LRP6: variants seen among roughly 807,000 people sequenced by gnomAD.
LRP6 encodes the protein LDL receptor related protein 6.
Under a neutral mutation model 184.1 loss-of-function variants are expected in LRP6, and 43 were observed. The observed-to-expected ratio is 0.23, with a 90% confidence interval of 0.18 to 0.30. The LOEUF is 0.30. LRP6 is among the 10% of genes least tolerant of loss of function. The probability of loss-of-function intolerance (pLI) is 1.00; values close to 1 mark genes in which losing one functional copy is unlikely to be tolerated. For synonymous variants in LRP6, 719 were observed against 684.9 expected, an observed-to-expected ratio of 1.05 and a Z score of -0.78; for missense variants, 1,571 against 2,005.3, an observed-to-expected ratio of 0.78 and a Z score of 4.14.
chr12:12,228,056 T>C (rs1350189360), intron 2 of LRP6, among the ~76,000 whole-genome samples: 1 of 152,096 alleles, frequency 6.6e-6, no homozygotes, highest in Non-Finnish European at 1.5e-5. Flanking sequence ...AGCTAAATTA[T>C]GTATCCAAGG....
intron 2 of LRP6, among the ~76,000 whole-genome samples, chr12:12,213,969 A>G (rs1277468935): frequency 1.3e-5 from 2 of 152,124 alleles, no homozygotes; most frequent in African/African-American, 4.8e-5. Flanking sequence ...TATAAAAGAA[A>G]AGTGTCTTTC....
intron 2 of LRP6, among the ~76,000 whole-genome samples, chr12:12,234,979 G>A (rs931184709): frequency 2.6e-5 from 4 of 152,154 alleles, no homozygotes; most frequent in Non-Finnish European, 2.9e-5. Context: ...ATAGAGAAGG[G>A]TGGGGAAAGA....
At chr12:12,159,557 T>C (rs570694287) in intron 11 of LRP6, among the ~76,000 whole-genome samples, 10 of 152,282 alleles carry the variant, frequency 6.6e-5, no homozygotes, top group African/African-American at 2.4e-4. Flanking sequence ...GAGTTATAAA[T>C]TTCATTACAA....
intron 2 of LRP6, among the ~76,000 whole-genome samples, chr12:12,215,499 C>T (rs1004550184): frequency 3.3e-5 from 5 of 151,724 alleles, no homozygotes; most frequent in African/African-American, 1.2e-4. Flanking sequence ...GATCTCGGCT[C>T]ACTGCAACCT....
chr12:12,155,280 A>G, intron 12 of LRP6: 1 of 749,244 alleles, frequency 1.3e-6, no homozygotes, highest in Non-Finnish European at 2.5e-6. Context: ...CACAAAGGGA[A>G]AGAGGAGAGG....
intron 3 of LRP6, among the ~76,000 whole-genome samples, chr12:12,191,330 G>C (rs563640952): frequency 1.3e-5 from 2 of 152,232 alleles, no homozygotes; most frequent in South Asian, 4.1e-4. Context: ...GAGAACAATG[G>C]GAAAATAAGG....
intron 9 of LRP6, among the ~76,000 whole-genome samples, chr12:12,163,665 T>C (rs1239093029): frequency 6.6e-6 from 1 of 152,248 alleles, no homozygotes; most frequent in Non-Finnish European, 1.5e-5. Context: ...ACAGCCATTT[T>C]ACGTGAAGCA....
At position 12,164,510 on chromosome 12, in the gene LRP6, A is replaced by G. The variant is rs749228736; in HGVS notation, c.1815T>C (p.Tyr605=). ...ENGGCSHLCL[Y]RPQGLRCACP... ...AAGCACAGCGAAGGCCCTGAGGTCTATAGAGGCAGAGATGGCTACATCCCC... is the reference window on the plus strand; with the variant it reads ...AAGCACAGCGAAGGCCCTGAGGTCTGTAGAGGCAGAGATGGCTACATCCCC... The change falls in exon 9 of 23, where the codon TAT becomes TAC. Residue 605 remains tyrosine, a synonymous_variant. Transcript: ENST00000261349. 4 of 1,614,176 alleles carry G rather than the reference A, an allele frequency of 2.5e-6. No homozygotes were observed. The highest frequency in any genetic ancestry group is 2.2e-5 in the East Asian group (1 of 44,878).
chr12:12,248,567 C>T (rs374413335), intron 1 of LRP6, among the ~76,000 whole-genome samples: 3 of 147,958 alleles, frequency 2.0e-5, no homozygotes, highest in Non-Finnish European at 3.0e-5. Flanking sequence ...CTGCAAGGTC[C>T]GCCTCCCGGG....
In LRP6 at chr12:12,190,325, A is replaced by T. The variant is rs1863579472; in HGVS notation, c.648-3206T>A. The stretch of plus-strand genomic sequence containing the variant: ...GCTAAGAACCAAGCTGGCAGGTAAG[A>T]TCCAAGCCCAGTTCCTCAATAGTAG... On this transcript the variant is annotated intron_variant, in intron 3 of 22. Transcript: ENST00000261349. 2.0e-5 allele frequency among the ~76,000 whole-genome samples: 3 copies of T among 152,324 alleles called. No individual in the cohort carries two copies. In the South Asian group the frequency reaches 6.2e-4, roughly 32 times the overall value.
At chr12:12,168,781 C>A (rs1027203831) in intron 7 of LRP6, among the ~76,000 whole-genome samples, 1 of 151,996 alleles carries the variant, frequency 6.6e-6, no homozygotes, top group African/African-American at 2.4e-5. Flanking sequence ...TCCAAAATCC[C>A]TTATCTAAAG....
chr12:12,234,900 C>A (rs1446984502), intron 2 of LRP6, among the ~76,000 whole-genome samples: 3 of 151,214 alleles, frequency 2.0e-5, no homozygotes, highest in African/African-American at 7.3e-5. Context: ...AATATACACA[C>A]GTATCAACTC....
Position 12,132,054 on chromosome 12 carries a change from G to A in LRP6, c.3737C>T (p.Pro1246Leu). 1 of 1,607,828 alleles carries A rather than the reference G, an allele frequency of 6.2e-7. No homozygotes were observed. Among genetic ancestry groups the A allele is most frequent in the Non-Finnish European group, 8.5e-7 (1 of 1,174,296 alleles). Residue 1246 changes from proline (P) to leucine (L), a missense_variant, in exon 18 of 23, where the codon CCT (proline) becomes CTT (leucine). Physicochemically the swap from Pro to Leu is moderately conservative, Grantham distance 98 (BLOSUM62 -3). Around this residue, in one of 4 missense-constraint regions of LRP6, gnomAD observed 763 missense variants for 859.5 expected, o/e 0.89. Coordinates refer to ENST00000261349, the MANE Select transcript of LRP6 (RefSeq NM_002336.3). The part of the protein sequence containing the change: ...LLQDELSCGE[P>L]PTCSPQQFTC... ...AAACTGCTGAGGAGAACATGTTGGA[G>A]GTTCTTCAAATGAACAAGGAGAAGG...
chr12:12,228,967 C>T, intron 2 of LRP6, among the ~76,000 whole-genome samples: 1 of 152,158 alleles, frequency 6.6e-6, no homozygotes, highest in Non-Finnish European at 1.5e-5. Context: ...GCTACTGAGG[C>T]CTGCTCAGAG....
At chr12:12,144,825 ACAC>A (rs1410941766) in intron 15 of LRP6, among the ~76,000 whole-genome samples, 2 of 148,056 alleles carry the variant, frequency 1.4e-5, no homozygotes, top group African/African-American at 5.0e-5. Flanking sequence ...AGAAAACCAA[ACAC>A]CACATGTTCT....
At chr12:12,238,784 T>A (rs1011890162) in intron 2 of LRP6, among the ~76,000 whole-genome samples, 2 of 152,068 alleles carry the variant, frequency 1.3e-5, no homozygotes, top group African/African-American at 4.8e-5. Flanking sequence ...GGAAGCTGAA[T>A]CCAAATGGAT....
intron 2 of LRP6, among the ~76,000 whole-genome samples, chr12:12,239,630 A>G (rs868241739): frequency 2.0e-5 from 3 of 151,910 alleles, no homozygotes; most frequent in Non-Finnish European, 4.4e-5. Context: ...CCCCAAGTGC[A>G]GGCAGCCTAT....
chr12:12,125,573 T>G (rs916133895), intron 20 of LRP6, 141 bp from the exon 21 acceptor site: 1 of 776,406 alleles, frequency 1.3e-6, no homozygotes, highest in Non-Finnish European at 2.1e-6. Flanking sequence ...TTCCTATAAT[T>G]GAAAACATTT....
chr12:12,263,825 C>T lies in LRP6; in HGVS notation c.55+2856G>A, dbSNP rs116674882. On this transcript the variant is annotated intron_variant, in intron 1 of 22. Coordinates refer to ENST00000261349, the MANE Select transcript of LRP6 (RefSeq NM_002336.3). ...CTCCAGCCTAGGCAACAGAGCAAGA[C>T]CCTACCTCCAAAAAAAAAATAGGAA... 6.7e-3 allele frequency among the ~76,000 whole-genome samples: 1,022 copies of T among 151,982 alleles called. 11 individuals are homozygous for T. Among genetic ancestry groups the T allele is most frequent in the African/African-American group, 0.024 (986 of 41,468 alleles).
Sources: allele counts gnomAD v4.1 joint callset (sites outside exome capture counted in the v4.1 genomes callset), GRCh38; gene constraint gnomAD v4.1.1; regional missense constraint gnomAD v4.1.1; transcripts MANE v1.5; gene names NCBI Gene and HGNC (gene_info 2026-07-23, HGNC 2026-07-21).